ROR1: variants seen among roughly 807,000 people sequenced by gnomAD.
ROR1 encodes inactive tyrosine-protein kinase transmembrane receptor ROR1.
ROR1 carries 19 observed loss-of-function variants against 78.8 expected under a neutral mutation model. The observed-to-expected ratio is 0.24, with a 90% CI of 0.17 to 0.35. The LOEUF is 0.35. ROR1 is among the 10% of genes least tolerant of loss of function. The pLI, the probability that ROR1 is intolerant of heterozygous loss-of-function variation, is 1.00. For synonymous variants in ROR1, 386 were observed against 433.6 expected, an observed-to-expected ratio of 0.89 and a Z score of 1.36; for missense variants, 917 against 1,177.8, an observed-to-expected ratio of 0.78 and a Z score of 3.24.
chr1:63,849,605 G>T (rs1353177082), intron 1 of ROR1, among the ~76,000 whole-genome samples: 12 of 152,112 alleles, frequency 7.9e-5, no homozygotes. Context: ...GACTGAGTTG[G>T]GAAGGTCACT....
intron 1 of ROR1, among the ~76,000 whole-genome samples, chr1:63,897,153 G>T (rs1391110867): frequency 6.6e-6 from 1 of 152,120 alleles, no homozygotes; most frequent in Non-Finnish European, 1.5e-5. Flanking sequence ...TGTGATGCTG[G>T]TCAGCCCTTC....
At chr1:63,864,855 T>C (rs59862496) in intron 1 of ROR1, among the ~76,000 whole-genome samples, 1 of 149,604 alleles carries the variant, frequency 6.7e-6, no homozygotes, top group East Asian at 1.9e-4. Flanking sequence ...TTTTTTTTAA[T>C]TTTTTTATTT....
At chr1:63,885,846 G>A (rs996515550) in intron 1 of ROR1, among the ~76,000 whole-genome samples, 5 of 152,174 alleles carry the variant, frequency 3.3e-5, no homozygotes, top group Admixed American at 6.5e-5. Context: ...TTCATGAAAG[G>A]TAGTTCTTCC....
chr1:63,894,275 G>A (rs977072757), intron 1 of ROR1, among the ~76,000 whole-genome samples: 2 of 152,094 alleles, frequency 1.3e-5, no homozygotes, highest in African/African-American at 2.4e-5. Context: ...TAAAACTTAC[G>A]AATTATTTCT....
intron 1 of ROR1, among the ~76,000 whole-genome samples, chr1:63,889,003 T>C (rs1170638446): frequency 6.6e-6 from 1 of 152,178 alleles, no homozygotes; most frequent in Non-Finnish European, 1.5e-5. Context: ...ATTGCCGTCA[T>C]GCTGTCAGCT....
intron 2 of ROR1, among the ~76,000 whole-genome samples, chr1:64,030,117 A>G (rs1646647608): frequency 6.6e-6 from 1 of 152,164 alleles, no homozygotes; most frequent in African/African-American, 2.4e-5. Context: ...CTGCCTTAAT[A>G]TGCTCCCAGT....
intron 7 of ROR1, among the ~76,000 whole-genome samples, chr1:64,147,125 G>A (rs1416870676): frequency 6.6e-6 from 1 of 152,160 alleles, no homozygotes; most frequent in Non-Finnish European, 1.5e-5. Flanking sequence ...TATATGATAT[G>A]ACATCAAAAT....
intron 4 of ROR1, among the ~76,000 whole-genome samples, chr1:64,060,170 TA>T (rs982391231): frequency 1.6e-4 from 25 of 151,528 alleles, no homozygotes; most frequent in South Asian, 1.3e-3. Context: ...AAGGGCATGG[TA>T]AAAAAAAATC....
chr1:63,894,130 A>T (rs1008685727), intron 1 of ROR1, among the ~76,000 whole-genome samples: 2 of 152,178 alleles, frequency 1.3e-5, no homozygotes, highest in Non-Finnish European at 2.9e-5. Flanking sequence ...GATCACCAAG[A>T]CAGCTACTAA....
chr1:63,961,500 C>T (rs929612829), intron 1 of ROR1, among the ~76,000 whole-genome samples: 33 of 152,254 alleles, frequency 2.2e-4, no homozygotes, highest in African/African-American at 7.7e-4. Context: ...GAATATTACT[C>T]AGACGTAAAT....
At chr1:63,908,363 A>G (rs1236586489) in intron 1 of ROR1, among the ~76,000 whole-genome samples, 2 of 152,222 alleles carry the variant, frequency 1.3e-5, no homozygotes, top group South Asian at 2.1e-4. Context: ...CCACAGGCTC[A>G]GATCTGTGAT....
intron 1 of ROR1, among the ~76,000 whole-genome samples, chr1:63,896,732 G>A (rs781152216): frequency 6.6e-6 from 1 of 152,062 alleles, no homozygotes; most frequent in Non-Finnish European, 1.5e-5. Flanking sequence ...ATGTAGACTC[G>A]TGTGTGAACA....
intron 1 of ROR1, among the ~76,000 whole-genome samples, chr1:63,788,061 C>A (rs1035781780): frequency 6.6e-6 from 1 of 152,198 alleles, no homozygotes; most frequent in African/African-American, 2.4e-5. Context: ...AGAGGTCTGA[C>A]AGCCTGCCAA....
intron 1 of ROR1, among the ~76,000 whole-genome samples, chr1:63,799,527 G>A (rs1644782639): frequency 6.6e-6 from 1 of 152,056 alleles, no homozygotes; most frequent in South Asian, 2.1e-4. Flanking sequence ...GGAATATTGT[G>A]CAATTCTGCT....
At chr1:63,925,094 T>C (rs967029007) in intron 1 of ROR1, among the ~76,000 whole-genome samples, 58 of 151,044 alleles carry the variant, frequency 3.8e-4, no homozygotes, top group African/African-American at 1.4e-3. Flanking sequence ...ACATGTGCCA[T>C]GCTGGTGCGC....
chr1:63,945,336 C>T (rs546737944), intron 1 of ROR1, among the ~76,000 whole-genome samples: 1 of 152,186 alleles, frequency 6.6e-6, no homozygotes, highest in Admixed American at 6.5e-5. Context: ...ACAATATTTT[C>T]TGTGTGTGAT....
chr1:64,028,670 A>G (rs1646635592), intron 2 of ROR1, among the ~76,000 whole-genome samples: 1 of 152,202 alleles, frequency 6.6e-6, no homozygotes, highest in African/African-American at 2.4e-5. Context: ...TTAGATACAT[A>G]GTAGGTGTAT....
At chr1:63,954,663 G>A (rs1240474145) in intron 1 of ROR1, among the ~76,000 whole-genome samples, 1 of 152,026 alleles carries the variant, frequency 6.6e-6, no homozygotes, top group Non-Finnish European at 1.5e-5. Flanking sequence ...TTTTTTTCTT[G>A]TCATTACTTC....
At chr1:64,091,225 C>G (rs6683962) in intron 4 of ROR1, among the ~76,000 whole-genome samples, 84,976 of 151,902 alleles carry the variant, frequency 0.56, 24,157 homozygotes, top group African/African-American at 0.63. Context: ...TCCTCCATAC[C>G]CCGGCCAGTC....
Sources: gnomAD v4.1 joint callset for allele counts (sites outside exome capture counted in the v4.1 genomes callset) on GRCh38, gnomAD v4.1.1 for gene constraint, MANE v1.5 for transcripts, NCBI Gene and HGNC (gene_info 2026-07-23, HGNC 2026-07-21) for gene names.